The following GRXCR2 variants were observed in gnomAD, a reference collection of about 807,000 sequenced individuals.
GRXCR2 encodes glutaredoxin domain-containing cysteine-rich protein 2.
Under a neutral mutation model 24.8 loss-of-function variants are expected in GRXCR2, and 23 were observed. The ratio of observed to expected loss-of-function variants is 0.93; its 90% CI spans 0.67 to 1.32. GRXCR2 has a LOEUF of 1.32. Among genes scored for constraint, GRXCR2 ranks in the 40% most tolerant of loss-of-function variants. The probability of loss-of-function intolerance (pLI) is 0.00; values close to 1 mark genes in which losing one functional copy is unlikely to be tolerated. For synonymous variants in GRXCR2, 130 were observed against 116.1 expected (o/e 1.12, Z -0.77); for missense variants, 315 against 303.4 (o/e 1.04, Z -0.28).
At chr5:145,927,728 AT>A (rs1348231601) in intron 2 of GRXCR2, among the ~76,000 whole-genome samples, 3 of 152,120 alleles carry the variant, frequency 2.0e-5, no homozygotes, top group African/African-American at 7.2e-5. Flanking sequence ...TGGTATCAGG[AT>A]GATGCTGGCC....
chr5:145,904,485 TGAG>T (rs1757064801), intron 2 of GRXCR2, among the ~76,000 whole-genome samples: 1 of 152,210 alleles, frequency 6.6e-6, no homozygotes, highest in South Asian at 2.1e-4. Flanking sequence ...CCTAACCCAC[TGAG>T]GAGGTAGGTT....
At chr5:145,910,498 C>T (rs1011241998) in intron 2 of GRXCR2, among the ~76,000 whole-genome samples, 2 of 151,828 alleles carry the variant, frequency 1.3e-5, no homozygotes, top group African/African-American at 2.4e-5. Context: ...AACTGTTAAC[C>T]TTTTAAAATG....
chr5:145,874,182 G>A (rs558045950), upstream of GRXCR2, among the ~76,000 whole-genome samples: 3 of 151,518 alleles, frequency 2.0e-5, no homozygotes, highest in Non-Finnish European at 2.9e-5. Flanking sequence ...CATTCGCTTG[G>A]ATTCTTTTTT....
intron 2 of GRXCR2, among the ~76,000 whole-genome samples, chr5:145,885,359 C>CT (rs1214466369): frequency 3.3e-5 from 5 of 151,600 alleles, no homozygotes; most frequent in Admixed American, 1.3e-4. Flanking sequence ...TTCACCACCA[C>CT]TTTTTTTTTC....
chr5:145,861,902 T>A (rs1424844213), intron 2 of GRXCR2, among the ~76,000 whole-genome samples: 1 of 152,218 alleles, frequency 6.6e-6, no homozygotes, highest in Non-Finnish European at 1.5e-5. Context: ...TTTTATTTAT[T>A]CTAGATTTAA....
chr5:145,882,209 A>G (rs1756712700), intron 2 of GRXCR2, among the ~76,000 whole-genome samples: 2 of 152,236 alleles, frequency 1.3e-5, no homozygotes, highest in Admixed American at 6.5e-5. Context: ...ACGGCAAAAG[A>G]AACTACCGTC....
intron 2 of GRXCR2, among the ~76,000 whole-genome samples, chr5:145,915,282 G>A (rs1033307301): frequency 1.3e-5 from 2 of 152,138 alleles, no homozygotes; most frequent in African/African-American, 4.8e-5. Flanking sequence ...TTATTTTTGG[G>A]TAGTGTTAAT....
chr5:145,867,329 T>C (rs1756454766), intron 1 of GRXCR2, among the ~76,000 whole-genome samples: 1 of 152,104 alleles, frequency 6.6e-6, no homozygotes, highest in African/African-American at 2.4e-5. Context: ...GTAACTAGAA[T>C]TGGAACCCAA....
In GRXCR2 at chr5:145,859,047, T is replaced by C. The variant is rs1414983955; in HGVS notation, c.*686A>G. ...TCATAAATAACTTTGACTTGGCTTA[T>C]AACCTCAGTAGTTAGAGGCACACAA... is the stretch of plus-strand genomic sequence containing the variant. On this transcript the variant is annotated 3_prime_UTR_variant, in exon 3 of 3. Coordinates refer to ENST00000377976, the MANE Select transcript of GRXCR2 (RefSeq NM_001080516.2). 3 of 152,296 alleles carry C rather than the reference T, an allele frequency of 2.0e-5. No individual in the cohort carries two copies. Among genetic ancestry groups the C allele is most frequent in the Non-Finnish European group, 4.4e-5 (3 of 68,094 alleles). 9.4% of individuals were successfully genotyped at this position (152,296 alleles called of 1,614,324 possible). A position where few individuals can be genotyped will look rare whatever the true frequency, so the allele number is the denominator to read the frequency against.
chr5:145,930,366 T>C (rs985666143), intron 2 of GRXCR2, among the ~76,000 whole-genome samples: 3 of 152,174 alleles, frequency 2.0e-5, no homozygotes, highest in Non-Finnish European at 4.4e-5. Flanking sequence ...ATTATAAGCA[T>C]GAGCCACTAC....
chr5:145,914,935 T>A (rs539536672), intron 2 of GRXCR2, among the ~76,000 whole-genome samples: 1 of 152,336 alleles, frequency 6.6e-6, no homozygotes, highest in Non-Finnish European at 1.5e-5. Context: ...AAGCAGAGGT[T>A]ACTTTCAAAG....
chr5:145,862,176 G>A (rs564481594), intron 2 of GRXCR2, among the ~76,000 whole-genome samples: 67 of 152,300 alleles, frequency 4.4e-4, no homozygotes, highest in African/African-American at 1.5e-3. Flanking sequence ...GTGAGGGAAA[G>A]TACAGTAAAA....
intron 1 of GRXCR2, among the ~76,000 whole-genome samples, chr5:145,867,312 G>C (rs892236885): frequency 6.6e-6 from 1 of 152,132 alleles, no homozygotes; most frequent in South Asian, 2.1e-4. Flanking sequence ...AGAGTTACTC[G>C]GGCACTGTAA....
At chr5:145,869,422 C>G (rs893005900) in intron 1 of GRXCR2, among the ~76,000 whole-genome samples, 1 of 152,160 alleles carries the variant, frequency 6.6e-6, no homozygotes, top group Non-Finnish European at 1.5e-5. Context: ...ACCTTTTTCT[C>G]TACCCATCAC....
chr5:145,874,800 T>C (rs1176975965), upstream of GRXCR2, among the ~76,000 whole-genome samples: 1 of 152,222 alleles, frequency 6.6e-6, no homozygotes, highest in Non-Finnish European at 1.5e-5. Context: ...CTTTCCAGCC[T>C]TGCCCTCTGT....
chr5:145,887,450 C>T (rs1260468997), intron 2 of GRXCR2, among the ~76,000 whole-genome samples: 1 of 152,156 alleles, frequency 6.6e-6, no homozygotes, highest in Non-Finnish European at 1.5e-5. Flanking sequence ...CATTATGGAA[C>T]TTTGTGGAAA....
chr5:145,926,891 T>C (rs1194311111), intron 2 of GRXCR2, among the ~76,000 whole-genome samples: 1 of 152,202 alleles, frequency 6.6e-6, no homozygotes, highest in Non-Finnish European at 1.5e-5. Context: ...GTTTGTATCC[T>C]CTTTTATTTC....
upstream of GRXCR2, chr5:145,873,140 C>A: frequency 1.7e-6 from 1 of 605,294 alleles, no homozygotes; most frequent in Non-Finnish European, 2.9e-6. Context: ...ATTGATAGAC[C>A]CTCATGAAAA....
intron 1 of GRXCR2, among the ~76,000 whole-genome samples, chr5:145,869,545 TTCTC>T (rs1214243096): frequency 1.4e-5 from 2 of 146,980 alleles, no homozygotes; most frequent in African/African-American, 5.2e-5. Flanking sequence ...AAGAGCTTCT[TTCTC>T]TCTCTCTCTC....
Sources: allele counts gnomAD v4.1 joint callset (sites outside exome capture counted in the v4.1 genomes callset), GRCh38; gene constraint gnomAD v4.1.1; transcripts MANE v1.5; gene names NCBI Gene and HGNC (gene_info 2026-07-23, HGNC 2026-07-21).